Variants in XYLT1 observed in about 807,000 individuals in gnomAD.
XYLT1 encodes beta-D-xylosyltransferase 1.
In XYLT1, 36 loss-of-function variants were observed where a neutral mutation model predicts 91.3. That is an observed-to-expected ratio of 0.39 (90% CI 0.30 to 0.52). The LOEUF (loss-of-function observed/expected upper bound fraction) is 0.52. Among genes scored for constraint, XYLT1 ranks in the 20% least tolerant of loss-of-function variants. XYLT1 has a pLI of 0.68. For missense variants in XYLT1, 1,242 were observed against 1,284.5 expected, an observed-to-expected ratio of 0.97 and a Z score of 0.51; for synonymous variants, 588 against 532.0, an observed-to-expected ratio of 1.11 and a Z score of -1.45.
At chr16:17,245,978 T>C (rs113040579) in intron 3 of XYLT1, among the ~76,000 whole-genome samples, 20,917 of 152,168 alleles carry the variant, frequency 0.14, 1,568 homozygotes, top group Admixed American at 0.16. Flanking sequence ...ACTGTGTGGG[T>C]GGGTCTCATT....
chr16:17,102,863 A>G lies in XYLT1; in HGVS notation c.*5832T>C, dbSNP rs971149963. ...TTATTTTTAAAAACTATATCACCAC[A>G]TGTCTTTGAAAACAATGAAGGGGAC... On this transcript the variant is annotated 3_prime_UTR_variant, in exon 12 of 12. Transcript: ENST00000261381. The G allele has an allele frequency of 2.6e-5, 4 of 152,592 alleles. No homozygotes were observed. Among genetic ancestry groups the G allele is most frequent in the African/African-American group, 9.7e-5 (4 of 41,436 alleles). The allele number at this position is 152,592 out of a possible 1,614,324, so 9.5% of individuals were successfully genotyped here.
chr16:17,435,606 C>G (rs964019816), intron 1 of XYLT1, among the ~76,000 whole-genome samples: 2 of 151,818 alleles, frequency 1.3e-5, no homozygotes, highest in Non-Finnish European at 2.9e-5. Flanking sequence ...TAAATGCTTC[C>G]TGATGAGAAG....
At chr16:17,117,592 T>C in intron 11 of XYLT1, 54 bp downstream of exon 11, 1 of 1,561,598 alleles carries the variant, frequency 6.4e-7, no homozygotes. Context: ...CCAAAGACCC[T>C]CAAGGTCCCC....
At chr16:17,372,747 G>A (rs533270160) in intron 1 of XYLT1, among the ~76,000 whole-genome samples, 11 of 152,166 alleles carry the variant, frequency 7.2e-5, no homozygotes, top group African/African-American at 1.2e-4. Flanking sequence ...ATTATTTTCC[G>A]TTTGAACTTG....
intron 5 of XYLT1, among the ~76,000 whole-genome samples, chr16:17,169,919 C>T (rs1325133802): frequency 6.6e-6 from 1 of 152,152 alleles, no homozygotes; most frequent in Admixed American, 6.5e-5. Flanking sequence ...AAAGTAAATG[C>T]AATTTAAGTA....
chr16:17,261,794 C>G (rs1322495965), intron 2 of XYLT1, among the ~76,000 whole-genome samples: 2 of 152,042 alleles, frequency 1.3e-5, no homozygotes, highest in Admixed American at 6.6e-5. Context: ...GAAAAAGAAC[C>G]AAGAAAAAAA....
intron 1 of XYLT1, among the ~76,000 whole-genome samples, chr16:17,459,251 A>G (rs999574718): frequency 2.6e-5 from 4 of 152,168 alleles, no homozygotes; most frequent in Non-Finnish European, 5.9e-5. Context: ...ACGCACCTGT[A>G]GTCCCACCTA....
chr16:17,273,232 T>G (rs960079880), intron 2 of XYLT1, among the ~76,000 whole-genome samples: 2 of 152,210 alleles, frequency 1.3e-5, no homozygotes, highest in Admixed American at 6.5e-5. Flanking sequence ...AGAAGAGATT[T>G]TATATCACTT....
At chr16:17,124,206 T>C (rs2030176273) in intron 10 of XYLT1, among the ~76,000 whole-genome samples, 2 of 152,226 alleles carry the variant, frequency 1.3e-5, no homozygotes, top group Admixed American at 6.5e-5. Context: ...TTTCATTGTG[T>C]TGTTTTGCAG....
In XYLT1 at chr16:17,281,523, A is replaced by T. The variant is rs142942638; in HGVS notation, c.403-22025T>A. On this transcript the variant is annotated intron_variant, in intron 2 of 11. Coordinates refer to ENST00000261381, the MANE Select transcript of XYLT1 (RefSeq NM_022166.4). Reference sequence around the variant, plus strand: ...TATGTTGTTAAAAAAAATGATGGTCATGATTCCTAAAATTCAAACAAAAGG... The same window carrying T: ...TATGTTGTTAAAAAAAATGATGGTCTTGATTCCTAAAATTCAAACAAAAGG... Among the ~76,000 whole-genome samples, 336 of 152,346 alleles carry T rather than the reference A, an allele frequency of 2.2e-3. 1 individual carries two copies. The highest frequency in any genetic ancestry group is 3.0e-3 in the Non-Finnish European group (205 of 68,034).
intron 5 of XYLT1, among the ~76,000 whole-genome samples, chr16:17,174,153 A>C (rs1250754300): frequency 6.6e-6 from 1 of 152,184 alleles, no homozygotes; most frequent in East Asian, 1.9e-4. Context: ...AAATAAATAA[A>C]ACACAAAAGA....
chr16:17,110,280 G>A (rs1267113145), intron 11 of XYLT1, among the ~76,000 whole-genome samples: 1 of 152,182 alleles, frequency 6.6e-6, no homozygotes, highest in Non-Finnish European at 1.5e-5. Context: ...CTAGTGATAT[G>A]GTTTGGCCGT....
intron 1 of XYLT1, among the ~76,000 whole-genome samples, chr16:17,431,494 A>G (rs995327562): frequency 1.3e-5 from 2 of 152,246 alleles, no homozygotes; most frequent in Non-Finnish European, 2.9e-5. Flanking sequence ...AGAAGCACTT[A>G]GCAGAACACA....
At chr16:17,153,190 T>C (rs2031323768) in intron 6 of XYLT1, among the ~76,000 whole-genome samples, 1 of 152,218 alleles carries the variant, frequency 6.6e-6, no homozygotes, top group Non-Finnish European at 1.5e-5. Context: ...CTTTTCCATA[T>C]ATTAATTCTT....
At chr16:17,113,677 C>G (rs977430681) in intron 11 of XYLT1, among the ~76,000 whole-genome samples, 1 of 152,314 alleles carries the variant, frequency 6.6e-6, no homozygotes, top group Non-Finnish European at 1.5e-5. Flanking sequence ...AATTACTGCA[C>G]AGAGAGGCCA....
intron 2 of XYLT1, among the ~76,000 whole-genome samples, chr16:17,299,720 C>T (rs1448981419): frequency 6.6e-6 from 1 of 152,074 alleles, no homozygotes; most frequent in Non-Finnish European, 1.5e-5. Flanking sequence ...GCTAGATTTC[C>T]CTAACTGCCA....
chr16:17,375,492 A>ACACACACACACACACACACACT (rs2035587616), intron 1 of XYLT1, among the ~76,000 whole-genome samples: 1 of 151,988 alleles, frequency 6.6e-6, no homozygotes, highest in Non-Finnish European at 1.5e-5. Context: ...ACACACACAC[A>ACACACACACACACACACACACT]CACACACACA....
rs1209093997 is a variant in XYLT1, at chr16:17,106,052, G to A, written c.*2643C>T. 6.6e-6 allele frequency: 1 copy of A among 152,194 alleles called. No individual in the cohort carries two copies. The highest frequency in any genetic ancestry group is 2.4e-5 in the African/African-American group (1 of 41,422). 9.4% of individuals were successfully genotyped at this position (152,194 alleles called of 1,614,324 possible). On this transcript the variant is annotated 3_prime_UTR_variant, in exon 12 of 12. Transcript: ENST00000261381. ...TTCTCAGCTCCCCGAATTAGTTGTG[G>A]TGAGGAAGAAATGAAGCCATGGGAA...
At chr16:17,455,582 C>CTAAATAAA (rs71137993) in intron 1 of XYLT1, among the ~76,000 whole-genome samples, 3,044 of 144,312 alleles carry the variant, frequency 0.021, 33 homozygotes, top group Non-Finnish European at 0.028. Context: ...GACTCCATCT[C>CTAAATAAA]TAAATAAATA....
Sources: allele counts gnomAD v4.1 joint callset (sites outside exome capture counted in the v4.1 genomes callset), GRCh38; gene constraint gnomAD v4.1.1; transcripts MANE v1.5; gene names NCBI Gene and HGNC (gene_info 2026-07-23, HGNC 2026-07-21).